WDR70: variants seen among roughly 807,000 people sequenced by gnomAD.
The protein encoded by WDR70 is WD repeat domain 70.
In WDR70, 53 loss-of-function variants were observed where a neutral mutation model predicts 88.6. That is an observed-to-expected ratio of 0.60 (90% CI 0.48 to 0.75). The LOEUF (loss-of-function observed/expected upper bound fraction) is 0.75, where lower values mean the gene tolerates loss of function less well. Among genes scored for constraint, WDR70 ranks in the 30% least tolerant of loss-of-function variants. The pLI is 0.00. For missense variants in WDR70, 610 were observed against 823.2 expected (o/e 0.74, Z 3.17); for synonymous variants, 280 against 270.0 (o/e 1.04, Z -0.36).
intron 5 of WDR70, among the ~76,000 whole-genome samples, chr5:37,429,276 A>G (rs1197940099): frequency 6.6e-6 from 1 of 152,196 alleles, no homozygotes; most frequent in Non-Finnish European, 1.5e-5. Flanking sequence ...ACATAAATGT[A>G]TTGTAAATAT....
intron 5 of WDR70, 147 bp from the exon 6 acceptor site, chr5:37,437,774 TC>T: frequency 4.7e-6 from 3 of 639,654 alleles, no homozygotes; most frequent in Non-Finnish European, 7.8e-6. Flanking sequence ...AAAAAGATAC[TC>T]TCACACTTTT....
intron 17 of WDR70, among the ~76,000 whole-genome samples, chr5:37,743,826 CTT>C (rs1042346198): frequency 6.6e-6 from 1 of 152,236 alleles, no homozygotes; most frequent in Admixed American, 6.5e-5. Flanking sequence ...GACCAACAGA[CTT>C]TGCCTTTTCT....
chr5:37,716,891 A>G (rs555554530), intron 13 of WDR70, among the ~76,000 whole-genome samples: 8 of 152,036 alleles, frequency 5.3e-5, no homozygotes, highest in South Asian at 4.2e-4. Context: ...CAAAATTCCT[A>G]TTTTGGAATT....
intron 10 of WDR70, among the ~76,000 whole-genome samples, chr5:37,629,676 G>A (rs902470794): frequency 6.6e-6 from 1 of 151,950 alleles, no homozygotes; most frequent in African/African-American, 2.4e-5. Context: ...TATATCATAA[G>A]TTGTTTTCCT....
At chr5:37,685,263 G>T (rs1482856809) in intron 10 of WDR70, among the ~76,000 whole-genome samples, 1 of 152,054 alleles carries the variant, frequency 6.6e-6, no homozygotes, top group Non-Finnish European at 1.5e-5. Flanking sequence ...CACTGGTTGG[G>T]CAGGGAAGGC....
intron 9 of WDR70, among the ~76,000 whole-genome samples, chr5:37,523,214 C>G (rs577529023): frequency 6.6e-6 from 1 of 152,244 alleles, no homozygotes; most frequent in Non-Finnish European, 1.5e-5. Flanking sequence ...AGTAGCCTAA[C>G]TGGGATGCAT....
chr5:37,445,837 T>C (rs1030922829), intron 7 of WDR70, among the ~76,000 whole-genome samples: 3 of 152,186 alleles, frequency 2.0e-5, no homozygotes, highest in Admixed American at 6.6e-5. Context: ...AATATAATAC[T>C]GAATGGGCAA....
At chr5:37,440,054 C>T (rs1357186661) in intron 6 of WDR70, among the ~76,000 whole-genome samples, 1 of 152,148 alleles carries the variant, frequency 6.6e-6, no homozygotes, top group Non-Finnish European at 1.5e-5. Context: ...TTTTCTCATA[C>T]ATCTTTTTAG....
chr5:37,507,238 C>T (rs1161366310), intron 8 of WDR70, among the ~76,000 whole-genome samples: 1 of 152,002 alleles, frequency 6.6e-6, no homozygotes, highest in African/African-American at 2.4e-5. Flanking sequence ...TTTGTGGATA[C>T]ATTCTTTTTG....
intron 9 of WDR70, among the ~76,000 whole-genome samples, chr5:37,590,563 A>G (rs78237832): frequency 0.048 from 7,363 of 152,214 alleles, 581 homozygotes; most frequent in African/African-American, 0.16. Context: ...TTGAGATGAG[A>G]TCATCCTGGA....
intron 8 of WDR70, among the ~76,000 whole-genome samples, chr5:37,482,677 A>T (rs1490411106): frequency 6.6e-6 from 1 of 152,228 alleles, no homozygotes; most frequent in Non-Finnish European, 1.5e-5. Context: ...GAGGACAAAC[A>T]TGGAAATTAA....
chr5:37,664,571 T>C (rs1745786928), intron 10 of WDR70, among the ~76,000 whole-genome samples: 1 of 152,226 alleles, frequency 6.6e-6, no homozygotes, highest in African/African-American at 2.4e-5. Flanking sequence ...CTGAACCTAT[T>C]AATATTATAC....
At chr5:37,501,195 C>T (rs1385044267) in intron 8 of WDR70, among the ~76,000 whole-genome samples, 1 of 151,760 alleles carries the variant, frequency 6.6e-6, no homozygotes, top group Non-Finnish European at 1.5e-5. Context: ...ATATTTTTTC[C>T]CATTCTGTGG....
intron 9 of WDR70, among the ~76,000 whole-genome samples, chr5:37,558,644 C>T (rs894903247): frequency 1.3e-5 from 2 of 152,052 alleles, no homozygotes; most frequent in African/African-American, 4.8e-5. Context: ...TTCTTTAAAA[C>T]AATTTTTTTT....
chr5:37,656,490 G>C (rs1365353402), intron 10 of WDR70, among the ~76,000 whole-genome samples: 1 of 152,238 alleles, frequency 6.6e-6, no homozygotes, highest in Non-Finnish European at 1.5e-5. Context: ...GAGATCCACT[G>C]CTCTCTTCAG....
intron 3 of WDR70, among the ~76,000 whole-genome samples, chr5:37,388,183 G>A (rs1027116791): frequency 3.3e-5 from 5 of 151,846 alleles, no homozygotes; most frequent in South Asian, 2.1e-4. Flanking sequence ...GCAATGGGAC[G>A]ATCTCGGCTC....
chr5:37,614,182 C>A (rs1408086491), intron 10 of WDR70, among the ~76,000 whole-genome samples: 1 of 152,158 alleles, frequency 6.6e-6, no homozygotes. Flanking sequence ...TCTTTCCTTG[C>A]CTTTTCCAGT....
intron 5 of WDR70, among the ~76,000 whole-genome samples, chr5:37,407,111 A>G (rs1332959138): frequency 2.6e-5 from 4 of 152,240 alleles, no homozygotes; most frequent in Non-Finnish European, 1.5e-5. Flanking sequence ...TGAGCCAGCC[A>G]TGATCTTGCC....
At position 37,697,712 on chromosome 5, in the gene WDR70, G is replaced by A. The variant is rs201460694; in HGVS notation, c.1150G>A (p.Val384Met). 27 of 1,613,716 alleles carry A rather than the reference G, an allele frequency of 1.7e-5. No homozygotes were observed. The highest frequency in any genetic ancestry group is 8.9e-5 in the East Asian group (4 of 44,848). The change falls in exon 11 of 18, where the codon GTG (valine) becomes ATG (methionine). Residue 384 changes from valine (V) to methionine (M), a missense_variant. By Grantham distance (21) the Val-to-Met change is conservative. Around this residue, in one of 4 missense-constraint regions of WDR70, gnomAD observed 254 missense variants for 300.7 expected, o/e 0.84. Transcript: ENST00000265107. ...AHDSGTDTSC[V>M]TFSYDGNVLA... ...TGACTCGGGCACAGACACTTCTTGC[G>A]TGACTTTTTCCTATGATGGTAATGT...
Sources: allele counts gnomAD v4.1 joint callset (sites outside exome capture counted in the v4.1 genomes callset), GRCh38; gene constraint gnomAD v4.1.1; regional missense constraint gnomAD v4.1.1; transcripts MANE v1.5; gene names NCBI Gene and HGNC (gene_info 2026-07-23, HGNC 2026-07-21).